Variants in ABCA10 observed in about 807,000 individuals in gnomAD.
ABCA10 encodes the protein ATP binding cassette subfamily A member 10.
In ABCA10, 169 loss-of-function variants were observed where a neutral mutation model predicts 187.5. The ratio of observed to expected loss-of-function variants is 0.90; its 90% confidence interval spans 0.80 to 1.02. The LOEUF is 1.02. ABCA10 is among the 50% of genes least tolerant of loss of function. The pLI is 0.00. For missense variants in ABCA10, 1,727 were observed against 1,812.4 expected, an observed-to-expected ratio of 0.95 and a Z score of 0.86; for synonymous variants, 574 against 601.8, an observed-to-expected ratio of 0.95 and a Z score of 0.68.
intron 17 of ABCA10, among the ~76,000 whole-genome samples, chr17:69,190,736 T>C (rs2074453655): frequency 6.6e-6 from 1 of 151,988 alleles, no homozygotes; most frequent in Non-Finnish European, 1.5e-5. Context: ...TAAGCATGTA[T>C]CTGTATGTCT....
At position 69,163,383 on chromosome 17, in the gene ABCA10, T is replaced by C. The variant is rs186167706; in HGVS notation, c.3363+691A>G. 5.0e-4 allele frequency among the ~76,000 whole-genome samples: 76 copies of C among 152,302 alleles called. No individual in the cohort carries two copies. In the East Asian group the frequency reaches 0.01, roughly 20 times the overall value. ...TTTGTTTGCTGTGTCAGAGTTGCAA[T>C]GAACATATATTCCCCAGCTGGACAA... On this transcript the variant is annotated intron_variant, in intron 27 of 38. Transcript: ENST00000690296.
rs573755362 is a variant in ABCA10 at position 69,213,374 on chromosome 17, G to A, written c.1006+1330C>T. Among the ~76,000 whole-genome samples, 337 of 150,086 alleles carry A rather than the reference G, an allele frequency of 2.2e-3. 1 individual carries two copies. The highest frequency in any genetic ancestry group is 8.1e-3 in the African/African-American group (327 of 40,618). On this transcript the variant is annotated intron_variant, in intron 9 of 38. Transcript: ENST00000690296. ...TCTGAGCTCAGACTTTCCTTGGGTG[G>A]GGCTTGCTGTGACCACTGTGGGCGA... is the stretch of plus-strand genomic sequence containing the variant.
intron 22 of ABCA10, among the ~76,000 whole-genome samples, chr17:69,181,184 A>T (rs2144788547): frequency 6.6e-6 from 1 of 152,304 alleles, no homozygotes; most frequent in South Asian, 2.1e-4. Flanking sequence ...CATTTGCATT[A>T]ATCAGCGTAT....
chr17:69,216,238 A>G lies in ABCA10; in HGVS notation c.651T>C (p.Tyr217=). The change falls in exon 7 of 39, where the codon TAT becomes TAC. Residue 217 remains tyrosine, a synonymous_variant. Transcript: ENST00000690296. The part of the protein sequence containing the change: ...HTGFMVIFTL[Y]SLYGLSLIAL... ...TCACCAAAGAAAGGCCATATAAGCTATAGAGTGTGAATATCACCATGAAGC... is the reference window on the plus strand; with the variant it reads ...TCACCAAAGAAAGGCCATATAAGCTGTAGAGTGTGAATATCACCATGAAGC... 5.0e-6 allele frequency: 8 copies of G among 1,613,420 alleles called. No homozygotes were observed. The highest frequency in any genetic ancestry group is 6.8e-6 in the Non-Finnish European group (8 of 1,179,678).
chr17:69,236,621 T>C, intron 1 of ABCA10, among the ~76,000 whole-genome samples: 1 of 152,170 alleles, frequency 6.6e-6, no homozygotes, highest in East Asian at 1.9e-4. Flanking sequence ...CAGAAAATAA[T>C]TAAAACAAAC....
chr17:69,225,492 C>G lies in ABCA10; in HGVS notation c.-134G>C. ...AGCTCTGAAGTGTTCCGAAAAGATG[C>G]ACAAATATAGCCCTAGAAACAATGT... On this transcript the variant is annotated 5_prime_UTR_variant, in exon 3 of 39. Coordinates refer to ENST00000690296, the MANE Select transcript of ABCA10 (RefSeq NM_001377321.1). 1 of 743,552 alleles carries G rather than the reference C, an allele frequency of 1.3e-6. No homozygotes were observed. Among genetic ancestry groups the G allele is most frequent in the East Asian group, 2.7e-5 (1 of 36,668 alleles). 46.1% of individuals were successfully genotyped at this position (743,552 alleles called of 1,614,324 possible).
At chr17:69,183,756 T>C (rs1262149138) in intron 20 of ABCA10, among the ~76,000 whole-genome samples, 1 of 151,892 alleles carries the variant, frequency 6.6e-6, no homozygotes, top group Non-Finnish European at 1.5e-5. Context: ...GAGGGGTCCT[T>C]GGGGAGGGCT....
chr17:69,150,040 T>A lies in ABCA10; in HGVS notation c.4421A>T (p.Lys1474Met), dbSNP rs541297154. 15 of 1,612,878 alleles carry A rather than the reference T, an allele frequency of 9.3e-6. No individual in the cohort carries two copies. The South Asian group carries it at 1.6e-4, about 18-fold the overall frequency. Residue 1474 changes from lysine (K) to methionine (M), a missense_variant, in exon 37 of 39, where the codon AAG becomes ATG. Transcript: ENST00000690296. Reference sequence around the variant, plus strand: ...AGGGTGGACATCCTCCACAGGTAACTTATACGCCATTAAAGAGGAATATCT... The same window carrying A: ...AGGGTGGACATCCTCCACAGGTAACATATACGCCATTAAAGAGGAATATCT... ...QERYSSLMAY[K>M]LPVEDVHPLS...
rs979661041 is a variant in ABCA10 at position 69,180,346 on chromosome 17, TAAGTC to T, written c.2769+1802_2769+1806del. On this transcript the variant is annotated intron_variant, in intron 22 of 38. Transcript: ENST00000690296. ...AATGCATCATCCTTTGTGCTAGAAA[TAAGTC>T]AAGTATAATTATTACTTTCAAGAAG... 3.3e-5 allele frequency among the ~76,000 whole-genome samples: 5 copies of T among 152,110 alleles called. No homozygotes were observed. The East Asian group carries it at 7.7e-4, about 23-fold the overall frequency.
intron 1 of ABCA10, among the ~76,000 whole-genome samples, chr17:69,239,067 C>T (rs1276980811): frequency 6.6e-6 from 1 of 152,206 alleles, no homozygotes; most frequent in Non-Finnish European, 1.5e-5. Flanking sequence ...TTGGTAACTA[C>T]TGACAGTAGG....
At chr17:69,236,264 T>C (rs2074870427) in intron 1 of ABCA10, among the ~76,000 whole-genome samples, 1 of 152,234 alleles carries the variant, frequency 6.6e-6, no homozygotes, top group Non-Finnish European at 1.5e-5. Flanking sequence ...TGCAGGCTTG[T>C]AAATCCCCCC....
intron 11 of ABCA10, among the ~76,000 whole-genome samples, chr17:69,195,293 C>T (rs567849652): frequency 2.6e-5 from 4 of 152,084 alleles, no homozygotes; most frequent in African/African-American, 7.2e-5. Flanking sequence ...ACTAATACTT[C>T]GAGCTTAGTT....
chr17:69,193,283 C>T, intron 14 of ABCA10, 35 bp from the exon 15 acceptor site: 2 of 1,603,172 alleles, frequency 1.2e-6, no homozygotes, highest in Non-Finnish European at 1.7e-6. Context: ...GCATCTTCCT[C>T]TTCACAGTGA....
In ABCA10 at chr17:69,164,064, T is replaced by C. The variant is rs1035110964; in HGVS notation, c.3363+10A>G. The C allele has an allele frequency of 1.3e-6, 2 of 1,532,350 alleles. No individual in the cohort carries two copies. The highest frequency in any genetic ancestry group is 1.7e-6 in the Non-Finnish European group (2 of 1,144,604). The allele number at this position is 1,532,350 out of a possible 1,614,324, so 94.9% of individuals were successfully genotyped here. ...GCAATATATATATTTAGGTAGAAAA[T>C]GTTCCTTACTATTAAGGTTGTTAAA... On this transcript the variant is annotated intron_variant, in intron 27 of 38. Coordinates refer to ENST00000690296, the MANE Select transcript of ABCA10 (RefSeq NM_001377321.1).
chr17:69,222,307 C>T (rs2074755151), intron 4 of ABCA10, among the ~76,000 whole-genome samples: 2 of 148,988 alleles, frequency 1.3e-5, no homozygotes, highest in African/African-American at 5.0e-5. Context: ...CACTGCACTC[C>T]AGCCAGGGTG....
At chr17:69,185,362 A>G in intron 20 of ABCA10, 115 bp downstream of exon 20, 1 of 1,050,262 alleles carries the variant, frequency 9.5e-7, no homozygotes, top group Non-Finnish European at 1.3e-6. Context: ...CCTTCATTTG[A>G]AAATGGAGCA....
In ABCA10 at chr17:69,193,947, T is replaced by G. The variant is rs757619884; in HGVS notation, c.1388A>C (p.Asp463Ala). 1 of 1,610,272 alleles carries G rather than the reference T, an allele frequency of 6.2e-7. No individual in the cohort carries two copies. The highest frequency in any genetic ancestry group is 1.1e-5 in the South Asian group (1 of 90,874). Residue 463 changes from aspartate to alanine, a missense_variant, in exon 13 of 39, where the codon GAC (aspartate) becomes GCC (alanine). By Grantham distance (126) the Asp-to-Ala change is moderately radical (BLOSUM62 -2). Coordinates refer to ENST00000690296, the MANE Select transcript of ABCA10 (RefSeq NM_001377321.1). ...AATATTCTTTCTAATTTCTTCCATG[T>G]CAGTTATTTCAGAGAGTTGAGTATT... The part of the protein sequence containing the change: ...IYNTQLSEIT[D>A]MEEIRKNIGF...
At chr17:69,206,231 A>G (rs904832954) in intron 9 of ABCA10, among the ~76,000 whole-genome samples, 17 of 152,204 alleles carry the variant, frequency 1.1e-4, no homozygotes, top group African/African-American at 3.9e-4. Context: ...CTAGAATAAT[A>G]CTTTTCTTTT....
intron 1 of ABCA10, among the ~76,000 whole-genome samples, chr17:69,237,902 C>A (rs139035531): frequency 1.4e-3 from 220 of 152,188 alleles, no homozygotes; most frequent in African/African-American, 4.9e-3. Context: ...GTGGCTCACA[C>A]CTGTAATCCT....
Sources: gnomAD v4.1 joint callset for allele counts (sites outside exome capture counted in the v4.1 genomes callset) on GRCh38, gnomAD v4.1.1 for gene constraint, MANE v1.5 for transcripts, NCBI Gene and HGNC (gene_info 2026-07-23, HGNC 2026-07-21) for gene names.